ZNF420: variants seen among roughly 807,000 people sequenced by gnomAD.
ZNF420 encodes zinc finger protein 420.
ZNF420 carries 31 observed loss-of-function variants against 44.7 expected under a neutral mutation model. The observed-to-expected ratio is 0.69, with a 90% CI of 0.52 to 0.94. The LOEUF (loss-of-function observed/expected upper bound fraction) is 0.94, where lower values mean the gene tolerates loss of function less well. Among genes scored for constraint, ZNF420 ranks in the 40% least tolerant of loss-of-function variants. ZNF420 has a pLI of 0.00. For synonymous variants in ZNF420, 245 were observed against 267.4 expected, an observed-to-expected ratio of 0.92 and a Z score of 0.82; for missense variants, 681 against 827.9, an observed-to-expected ratio of 0.82 and a Z score of 2.18.
At position 37,089,134 on chromosome 19, in the gene ZNF420, T is replaced by C. The variant is rs1271385657; in HGVS notation, c.9+7T>C. The C allele has an allele frequency of 6.2e-7, 1 of 1,612,344 alleles. No homozygotes were observed. Among genetic ancestry groups the C allele is most frequent in the South Asian group, 1.1e-5 (1 of 91,056 alleles). The stretch of plus-strand genomic sequence containing the variant: ...TCTAAAAACCATGGCTCGGGTAAAT[T>C]GGAGTTTCCTTGTGCTCTTTTCACT... On this transcript the variant is annotated splice_region_variant and intron_variant, in intron 3 of 4. Transcript: ENST00000337995.
intron 4 of ZNF420, among the ~76,000 whole-genome samples, chr19:37,094,316 G>A (rs1394026018): frequency 6.6e-6 from 1 of 151,898 alleles, no homozygotes; most frequent in African/African-American, 2.4e-5. Flanking sequence ...TCCTTAATGA[G>A]GGTGGATACA....
chr19:37,026,084 C>T (rs1036139706), intron 1 of ZNF420, among the ~76,000 whole-genome samples: 5 of 151,698 alleles, frequency 3.3e-5, no homozygotes, highest in African/African-American at 4.8e-5. Context: ...GAGGCAGAGG[C>T]GGGCGGATGA....
chr19:37,066,167 G>C (rs1181069993), intron 1 of ZNF420, among the ~76,000 whole-genome samples: 2 of 152,218 alleles, frequency 1.3e-5, no homozygotes, highest in African/African-American at 4.8e-5. Flanking sequence ...ACTCGGCCAG[G>C]CGCGGCGGCT....
At chr19:37,043,118 G>A (rs1432605412) in intron 1 of ZNF420, among the ~76,000 whole-genome samples, 5 of 152,164 alleles carry the variant, frequency 3.3e-5, no homozygotes, top group Admixed American at 6.5e-5. Context: ...CACCATAACA[G>A]AGTAATAGTA....
At chr19:37,009,493 T>A (rs1451332488) in intron 1 of ZNF420, among the ~76,000 whole-genome samples, 1 of 152,098 alleles carries the variant, frequency 6.6e-6, no homozygotes, top group Non-Finnish European at 1.5e-5. Context: ...TGACACACAC[T>A]CACCCCATCT....
At chr19:37,084,495 C>T (rs1332036213) in intron 2 of ZNF420, among the ~76,000 whole-genome samples, 1 of 152,098 alleles carries the variant, frequency 6.6e-6, no homozygotes, top group Non-Finnish European at 1.5e-5. Flanking sequence ...TAACTTTTTT[C>T]ATGTAATATC....
At chr19:37,021,701 G>A (rs56227390) in intron 1 of ZNF420, among the ~76,000 whole-genome samples, 2 of 152,062 alleles carry the variant, frequency 1.3e-5, no homozygotes, top group African/African-American at 4.8e-5. Context: ...CACTTTGGGA[G>A]GCCAAGGCAT....
chr19:37,073,909 GGAT>G (rs1319198395), upstream of ZNF420, among the ~76,000 whole-genome samples: 2 of 152,168 alleles, frequency 1.3e-5, no homozygotes, highest in East Asian at 3.9e-4. Flanking sequence ...GCAACACAGA[GGAT>G]GATAACAGGC....
intron 4 of ZNF420, chr19:37,091,662 A>G (rs1969154052): frequency 6.6e-6 from 1 of 152,166 alleles, no homozygotes; most frequent in Non-Finnish European, 1.5e-5. Context: ...TCGGTGGCTC[A>G]CGCCTATAAT....
intron 1 of ZNF420, among the ~76,000 whole-genome samples, chr19:37,056,753 C>G (rs923983616): frequency 1.3e-5 from 2 of 152,214 alleles, no homozygotes. Context: ...TCCAAAGACC[C>G]GAGCAGGCGC....
intron 1 of ZNF420, among the ~76,000 whole-genome samples, chr19:37,032,392 G>A (rs919159925): frequency 2.0e-5 from 3 of 151,418 alleles, no homozygotes; most frequent in African/African-American, 7.3e-5. Flanking sequence ...GTAATCCCAG[G>A]TACTTCGGAG....
At chr19:37,044,363 C>G (rs1440528742) in intron 1 of ZNF420, among the ~76,000 whole-genome samples, 3 of 151,838 alleles carry the variant, frequency 2.0e-5, no homozygotes, top group Non-Finnish European at 4.4e-5. Context: ...TAAAAACAAA[C>G]AAAACCGAGG....
chr19:37,028,849 C>T (rs1462340004), intron 1 of ZNF420, among the ~76,000 whole-genome samples: 1 of 152,110 alleles, frequency 6.6e-6, no homozygotes, highest in African/African-American at 2.4e-5. Flanking sequence ...GCTATGTGGC[C>T]AGGTCAGATA....
chr19:37,022,516 G>C (rs111532898), intron 1 of ZNF420, among the ~76,000 whole-genome samples: 242 of 152,062 alleles, frequency 1.6e-3, no homozygotes, highest in African/African-American at 5.1e-3. Context: ...ATTCAAAAAG[G>C]GATGAGTAAT....
At chr19:37,021,276 A>T (rs568728169) in intron 1 of ZNF420, among the ~76,000 whole-genome samples, 17 of 152,000 alleles carry the variant, frequency 1.1e-4, no homozygotes, top group African/African-American at 3.6e-4. Context: ...TTTATTTTTT[A>T]TTTTTTTTGA....
intron 1 of ZNF420, among the ~76,000 whole-genome samples, chr19:37,018,149 T>A (rs899304523): frequency 1.3e-5 from 2 of 152,042 alleles, no homozygotes; most frequent in African/African-American, 4.8e-5. Flanking sequence ...TGAAAAAAAA[T>A]TAAAGACATA....
At chr19:37,117,952 T>C (rs1970790392) in intron 4 of ZNF420, among the ~76,000 whole-genome samples, 1 of 152,136 alleles carries the variant, frequency 6.6e-6, no homozygotes, top group African/African-American at 2.4e-5. Context: ...AAACAAAGTC[T>C]CCAAGAAATA....
upstream of ZNF420, among the ~76,000 whole-genome samples, chr19:37,076,060 T>A (rs2146461412): frequency 6.6e-6 from 1 of 152,270 alleles, no homozygotes; most frequent in South Asian, 2.1e-4. Flanking sequence ...CTATACTTTT[T>A]TTAAAAAAAT....
intron 1 of ZNF420, among the ~76,000 whole-genome samples, chr19:37,013,881 G>T (rs191104370): frequency 6.6e-6 from 1 of 152,328 alleles, no homozygotes; most frequent in East Asian, 1.9e-4. Flanking sequence ...GCGACCACAC[G>T]TGGCACTGGC....
Sources: allele counts gnomAD v4.1 joint callset (sites outside exome capture counted in the v4.1 genomes callset), GRCh38; gene constraint gnomAD v4.1.1; transcripts MANE v1.5; gene names NCBI Gene and HGNC (gene_info 2026-07-23, HGNC 2026-07-21).